The following TENM2 variants were observed in gnomAD, a reference collection of about 807,000 sequenced individuals.
TENM2 encodes teneurin-2.
In TENM2, 52 loss-of-function variants were observed where a neutral mutation model predicts 245.2. The observed-to-expected ratio is 0.21, with a 90% CI of 0.17 to 0.27. The LOEUF (loss-of-function observed/expected upper bound fraction) is 0.27, where lower values mean the gene tolerates loss of function less well. Among genes scored for constraint, TENM2 ranks in the 10% least tolerant of loss-of-function variants. The pLI is 1.00. For synonymous variants in TENM2, 1,363 were observed against 1,438.9 expected, an observed-to-expected ratio of 0.95 and a Z score of 1.19; for missense variants, 3,046 against 3,666.8, an observed-to-expected ratio of 0.83 and a Z score of 4.37.
At chr5:167,744,010 G>A (rs1290754699) in intron 2 of TENM2, among the ~76,000 whole-genome samples, 1 of 152,136 alleles carries the variant, frequency 6.6e-6, no homozygotes. Flanking sequence ...GCAGTTAAGT[G>A]GCTTGCCTGT....
chr5:168,216,912 A>T, exon 22 of TENM2: 1 of 1,613,910 alleles, frequency 6.2e-7, no homozygotes, highest in Non-Finnish European at 8.5e-7. Flanking sequence ...TCCAGCATGG[A>T]TGTAGCCCAG....
chr5:167,075,819 C>G, the TENM2 span, among the ~76,000 whole-genome samples: 2 of 152,162 alleles, frequency 1.3e-5, no homozygotes, highest in Non-Finnish European at 2.9e-5. Flanking sequence ...TTTCATTGAA[C>G]CTGTTTTCAA....
At position 167,472,523 on chromosome 5, in the gene TENM2, G is replaced by T. The variant is rs547477036; in HGVS notation, c.502+97050G>T. Among the ~76,000 whole-genome samples, 4 of 152,204 alleles carry T rather than the reference G, an allele frequency of 2.6e-5. No individual in the cohort carries two copies. In the South Asian group the frequency reaches 6.2e-4, roughly 24 times the overall value. On this transcript the variant is annotated intron_variant, in intron 2 of 28. Transcript: ENST00000518659. ...CATCATGCCTAAAATTGGCTGGTTT[G>T]CTTGGCTGAGGATGTTATACATCAG...
At chr5:167,282,934 T>C (rs1416339979), upstream of TENM2, among the ~76,000 whole-genome samples, 1 of 152,160 alleles carries the variant, frequency 6.6e-6, no homozygotes, top group East Asian at 1.9e-4. Context: ...ACTTCTGAAC[T>C]TGCTGAGTGA....
the TENM2 span, among the ~76,000 whole-genome samples, chr5:167,236,626 A>G: frequency 6.6e-6 from 1 of 152,204 alleles, no homozygotes; most frequent in African/African-American, 2.4e-5. Context: ...GTCCCCTGAT[A>G]AAAGATGTGA....
At chr5:167,920,433 G>T (rs1027653338) in intron 3 of TENM2, among the ~76,000 whole-genome samples, 1 of 151,090 alleles carries the variant, frequency 6.6e-6, no homozygotes, top group African/African-American at 2.4e-5. Flanking sequence ...CAGGAGAATT[G>T]CTTGAACCCG....
chr5:167,179,432 GGTAA>G, the TENM2 span, among the ~76,000 whole-genome samples: 2 of 151,948 alleles, frequency 1.3e-5, no homozygotes, highest in African/African-American at 4.8e-5. Context: ...TTACATTTTC[GGTAA>G]GTAATTTATC....
At chr5:168,002,995 A>G (rs986285576) in intron 5 of TENM2, among the ~76,000 whole-genome samples, 1 of 152,228 alleles carries the variant, frequency 6.6e-6, no homozygotes, top group African/African-American at 2.4e-5. Context: ...GCCTGGGGTA[A>G]GTTGTGTTTT....
intron 2 of TENM2, among the ~76,000 whole-genome samples, chr5:167,405,769 A>ACAC (rs1762599972): frequency 1.4e-5 from 2 of 145,186 alleles, no homozygotes; most frequent in African/African-American, 5.1e-5. Context: ...CACACACACA[A>ACAC]ACACACACAC....
chr5:168,253,654 T>A (rs1488288905), intron 27 of TENM2, among the ~76,000 whole-genome samples: 1 of 151,944 alleles, frequency 6.6e-6, no homozygotes, highest in Non-Finnish European at 1.5e-5. Flanking sequence ...CTCGATCTCC[T>A]GACCTTGTGA....
chr5:168,202,919 C>T (rs1374594026), intron 17 of TENM2, among the ~76,000 whole-genome samples: 2 of 152,168 alleles, frequency 1.3e-5, no homozygotes. Context: ...CTCATCTCTC[C>T]TTACCACATC....
intron 5 of TENM2, among the ~76,000 whole-genome samples, chr5:168,012,416 G>C (rs1351158076): frequency 6.6e-6 from 1 of 152,146 alleles, no homozygotes. Context: ...GCCAAGGTGA[G>C]AAGCTTGCTT....
intron 24 of TENM2, among the ~76,000 whole-genome samples, chr5:168,227,079 G>A (rs1464119272): frequency 6.6e-6 from 1 of 152,102 alleles, no homozygotes; most frequent in Non-Finnish European, 1.5e-5. Context: ...GTACACACTT[G>A]CTCACTGCCC....
chr5:168,017,585 T>G (rs1003075428), intron 5 of TENM2, among the ~76,000 whole-genome samples: 2 of 152,152 alleles, frequency 1.3e-5, no homozygotes, highest in African/African-American at 4.8e-5. Flanking sequence ...ATAACATCTG[T>G]GGCTATTTAA....
intron 1 of TENM2, among the ~76,000 whole-genome samples, chr5:167,307,529 A>G (rs1256210827): frequency 6.6e-6 from 1 of 152,106 alleles, no homozygotes; most frequent in African/African-American, 2.4e-5. Context: ...ACCTTTAGGG[A>G]CCATCTGTTT....
the TENM2 span, among the ~76,000 whole-genome samples, chr5:167,104,574 C>T: frequency 1.3e-5 from 2 of 152,250 alleles, no homozygotes; most frequent in African/African-American, 2.4e-5. Context: ...TGCATTTTAG[C>T]GGCTAGCGAG....
the TENM2 span, among the ~76,000 whole-genome samples, chr5:166,986,913 CA>C: frequency 4.1e-5 from 2 of 49,034 alleles, no homozygotes; most frequent in Non-Finnish European, 1.3e-4. Flanking sequence ...TAGAGAAGAG[CA>C]TTTTTTTTTA....
chr5:167,674,954 A>G (rs1756216172), intron 2 of TENM2, among the ~76,000 whole-genome samples: 1 of 152,092 alleles, frequency 6.6e-6, no homozygotes, highest in Admixed American at 6.6e-5. Flanking sequence ...TGCATTTCTC[A>G]CTTTTGCCTT....
chr5:167,740,115 T>A (rs569600955), intron 2 of TENM2, among the ~76,000 whole-genome samples: 127 of 152,294 alleles, frequency 8.3e-4, no homozygotes, highest in Middle Eastern at 6.8e-3. Context: ...TAGCTGCCAT[T>A]GTTTGGATTT....
Sources: allele counts gnomAD v4.1 joint callset (sites outside exome capture counted in the v4.1 genomes callset), GRCh38; gene constraint gnomAD v4.1.1; transcripts MANE v1.5; gene names NCBI Gene and HGNC (gene_info 2026-07-23, HGNC 2026-07-21).